LYZL4: variants seen among roughly 807,000 people sequenced by gnomAD.
LYZL4 encodes lysozyme-like protein 4.
LYZL4 carries 13 observed loss-of-function variants against 17.6 expected under a neutral mutation model. The ratio of observed to expected loss-of-function variants is 0.74; its 90% CI spans 0.48 to 1.18. The LOEUF is 1.18. LYZL4 is among the 50% of genes most tolerant of loss of function. LYZL4 has a pLI of 0.00. For missense variants in LYZL4, 174 were observed against 188.2 expected (o/e 0.92, Z 0.44); for synonymous variants, 64 against 67.7 (o/e 0.95, Z 0.27).
chr3:42,393,912 C>T (rs1197047793), downstream of LYZL4, among the ~76,000 whole-genome samples: 1 of 152,202 alleles, frequency 6.6e-6, no homozygotes, highest in Non-Finnish European at 1.5e-5. Flanking sequence ...ATGCTTCAGC[C>T]TCACGGGCAG....
intron 3 of LYZL4, among the ~76,000 whole-genome samples, chr3:42,405,347 CG>C (rs1261200889): frequency 6.6e-6 from 1 of 152,154 alleles, no homozygotes; most frequent in Admixed American, 6.5e-5. Flanking sequence ...CGCGCCTGGC[CG>C]CTCATGTCAT....
the LYZL4 span, among the ~76,000 whole-genome samples, chr3:42,375,302 T>C: frequency 1.3e-5 from 2 of 152,196 alleles, no homozygotes; most frequent in African/African-American, 4.8e-5. Flanking sequence ...ACCGTTGTTA[T>C]TGTGACATCC....
chr3:42,366,919 A>G, the LYZL4 span, among the ~76,000 whole-genome samples: 1 of 152,086 alleles, frequency 6.6e-6, no homozygotes, highest in Non-Finnish European at 1.5e-5. Flanking sequence ...CCTAGACCCC[A>G]CCTCTGATCT....
the LYZL4 span, among the ~76,000 whole-genome samples, chr3:42,387,063 A>G: frequency 6.6e-6 from 1 of 152,098 alleles, no homozygotes; most frequent in Non-Finnish European, 1.5e-5. Flanking sequence ...TACTCCAGTC[A>G]CCCACTTTAC....
At chr3:42,400,514 T>C (rs1373334517) in intron 4 of LYZL4, among the ~76,000 whole-genome samples, 2 of 152,224 alleles carry the variant, frequency 1.3e-5, no homozygotes, top group East Asian at 1.9e-4. Context: ...ATGATGTGCA[T>C]ATAAATGCAA....
the LYZL4 span, among the ~76,000 whole-genome samples, chr3:42,380,830 T>C: frequency 6.6e-6 from 1 of 152,234 alleles, no homozygotes; most frequent in Non-Finnish European, 1.5e-5. Context: ...TCCACCAATG[T>C]GGGGCTGGGC....
At chr3:42,367,988 C>T in the LYZL4 span, among the ~76,000 whole-genome samples, 2 of 152,136 alleles carry the variant, frequency 1.3e-5, no homozygotes, top group African/African-American at 4.8e-5. Flanking sequence ...TCACAAGAAT[C>T]CTAAGAGGCA....
chr3:42,390,545 A>ATTTT, the LYZL4 span, among the ~76,000 whole-genome samples: 2 of 147,124 alleles, frequency 1.4e-5, no homozygotes, highest in Non-Finnish European at 1.5e-5. Context: ...AGGAGCAGCT[A>ATTTT]TTTTTTTTTT....
chr3:42,390,603 C>T, the LYZL4 span, among the ~76,000 whole-genome samples: 937 of 151,896 alleles, frequency 6.2e-3, 26 homozygotes, highest in East Asian at 0.061. Context: ...TGCAGTGGCA[C>T]GATCTCGGCT....
the LYZL4 span, among the ~76,000 whole-genome samples, chr3:42,366,789 G>T: frequency 2.6e-5 from 4 of 152,198 alleles, no homozygotes; most frequent in African/African-American, 7.2e-5. Flanking sequence ...TTAAGGCCCT[G>T]GGTATGCAAC....
At chr3:42,410,126 C>T (rs561926331) in intron 1 of LYZL4, among the ~76,000 whole-genome samples, 35 of 152,288 alleles carry the variant, frequency 2.3e-4, no homozygotes, top group African/African-American at 8.2e-4. Context: ...AATTCCATTG[C>T]TCATTTATCT....
chr3:42,406,433 G>A lies in LYZL4; in HGVS notation c.292+413C>T, dbSNP rs369863577. 3.8e-3 allele frequency among the ~76,000 whole-genome samples: 473 copies of A among 125,816 alleles called. No individual in the cohort carries two copies. The Middle Eastern group carries it at 0.05, about 13-fold the overall frequency. 82.5% of individuals were successfully genotyped at this position (125,816 alleles called of 152,430 possible). A position where few individuals can be genotyped will look rare whatever the true frequency, so the allele number is the denominator to read the frequency against. On this transcript the variant is annotated intron_variant, in intron 3 of 4. Coordinates refer to ENST00000287748, the MANE Select transcript of LYZL4 (RefSeq NM_144634.4). Reference sequence around the variant, plus strand: ...CGCGCCACTGCACTCCAGCCTGGGCGACTCAGTGAGACTCCGTCTCAAAAA... The same window carrying A: ...CGCGCCACTGCACTCCAGCCTGGGCAACTCAGTGAGACTCCGTCTCAAAAA...
intron 4 of LYZL4, among the ~76,000 whole-genome samples, chr3:42,401,221 T>A (rs983430904): frequency 6.6e-6 from 1 of 151,800 alleles, no homozygotes; most frequent in Non-Finnish European, 1.5e-5. Flanking sequence ...TTATTAATAT[T>A]TTTTTTTGAG....
chr3:42,393,763 A>G (rs1411428260), downstream of LYZL4, among the ~76,000 whole-genome samples: 2 of 152,150 alleles, frequency 1.3e-5, no homozygotes, highest in African/African-American at 4.8e-5. Context: ...ATGGCCCAGG[A>G]ATCAGCATTT....
chr3:42,407,616 G>T, intron 1 of LYZL4: 1 of 215,514 alleles, frequency 4.6e-6, no homozygotes, highest in Non-Finnish European at 9.3e-6. Context: ...TCTGACATTA[G>T]ATACAGATGC....
At chr3:42,399,254 G>A (rs1559453968) in intron 4 of LYZL4, among the ~76,000 whole-genome samples, 2 of 152,176 alleles carry the variant, frequency 1.3e-5, no homozygotes, top group African/African-American at 4.8e-5. Context: ...CCTTCTCCCA[G>A]TGGCAGTTTA....
At chr3:42,407,532 C>T (rs1363095156) in intron 1 of LYZL4, 189 bp from the exon 2 acceptor site, 1 of 434,116 alleles carries the variant, frequency 2.3e-6, no homozygotes, top group African/African-American at 2.0e-5. Flanking sequence ...TCTTGAGGCC[C>T]CCTCCCAACC....
At chr3:42,365,690 C>T in the LYZL4 span, among the ~76,000 whole-genome samples, 9 of 152,136 alleles carry the variant, frequency 5.9e-5, no homozygotes, top group South Asian at 6.2e-4. Context: ...GGCCACGACA[C>T]GGTGTGGATA....
chr3:42,372,559 T>A, the LYZL4 span, among the ~76,000 whole-genome samples: 2 of 152,268 alleles, frequency 1.3e-5, no homozygotes, highest in East Asian at 3.9e-4. Context: ...GAGAGTTCAG[T>A]CCCACTGGGC....
Sources: allele counts gnomAD v4.1 joint callset (sites outside exome capture counted in the v4.1 genomes callset), GRCh38; gene constraint gnomAD v4.1.1; transcripts MANE v1.5; gene names NCBI Gene and HGNC (gene_info 2026-07-23, HGNC 2026-07-21).